Variants in ZBED6 observed in about 807,000 individuals in gnomAD.
ZBED6 encodes zinc finger BED domain-containing protein 6.
ZBED6 carries 40 observed loss-of-function variants against 58.4 expected under a neutral mutation model. That is an observed-to-expected ratio of 0.68 (90% confidence interval 0.53 to 0.89). ZBED6 has a LOEUF of 0.89. Ranked by LOEUF, ZBED6 falls within the 40% of genes least tolerant of loss-of-function variation. The pLI, the probability that ZBED6 is intolerant of heterozygous loss-of-function variation, is 0.00. For synonymous variants in ZBED6, 439 were observed against 350.6 expected (o/e 1.25, Z -2.82); for missense variants, 1,057 against 1,003.9 (o/e 1.05, Z -0.71).
intron 14 of ZBED6, chr1:203,850,254 T>G (rs1688946035): frequency 3.1e-6 from 2 of 649,584 alleles, no homozygotes; most frequent in East Asian, 5.5e-5. Flanking sequence ...CTTTCTATGG[T>G]GCATCTTTCC....
chr1:203,851,099 C>T, exon 16 of ZBED6: 1 of 1,614,138 alleles, frequency 6.2e-7, no homozygotes, highest in South Asian at 1.1e-5. Context: ...AGTCACTGTG[C>T]CTGAAGCAGA....
At chr1:203,846,738 C>T (rs1688004945) in intron 11 of ZBED6, among the ~76,000 whole-genome samples, 1 of 152,178 alleles carries the variant, frequency 6.6e-6, no homozygotes, top group Non-Finnish European at 1.5e-5. Flanking sequence ...AAATGGCTTT[C>T]AGTTTCTGAA....
chr1:203,834,169 G>T, intron 9 of ZBED6: 1 of 743,508 alleles, frequency 1.3e-6, no homozygotes. Context: ...AAAAATGATT[G>T]GTTAATATAA....
At chr1:203,809,733 C>G (rs1673679419) in intron 1 of ZBED6, among the ~76,000 whole-genome samples, 1 of 151,982 alleles carries the variant, frequency 6.6e-6, no homozygotes, top group Non-Finnish European at 1.5e-5. Context: ...ATGGGCAGAT[C>G]ACTTGAGGTC....
chr1:203,815,589 A>G (rs1253090044), intron 1 of ZBED6, among the ~76,000 whole-genome samples: 2 of 152,150 alleles, frequency 1.3e-5, no homozygotes, highest in Non-Finnish European at 2.9e-5. Flanking sequence ...TTTACATATT[A>G]TAATACATTC....
chr1:203,828,023 C>T (rs1237725707), intron 3 of ZBED6, among the ~76,000 whole-genome samples: 2 of 149,798 alleles, frequency 1.3e-5, no homozygotes, highest in Admixed American at 1.4e-4. Context: ...ACTACTGTAT[C>T]ATCCTGCTTC....
Position 203,848,324 on chromosome 1 carries a change from A to C in ZBED6, c.*4246-7A>C. The C allele has an allele frequency of 6.2e-7, 1 of 1,610,400 alleles. No homozygotes were observed. On this transcript the variant is annotated splice_polypyrimidine_tract_variant and splice_region_variant and intron_variant, in intron 12 of 16. Coordinates refer to ENST00000550078, the Ensembl canonical transcript of ZBED6. ...AATAACTAATGATGTCTTTAATGTG[A>C]ATACAGGGATGAAAGAAGAGAAGAA...
At chr1:203,818,112 T>G (rs1244461367) in intron 2 of ZBED6, among the ~76,000 whole-genome samples, 1 of 152,130 alleles carries the variant, frequency 6.6e-6, no homozygotes, top group Non-Finnish European at 1.5e-5. Flanking sequence ...TATAGCAGTT[T>G]GCACAACAGT....
chr1:203,828,110 G>C (rs935537752), intron 3 of ZBED6, among the ~76,000 whole-genome samples, 189 bp from the exon 4 acceptor site: 25 of 152,138 alleles, frequency 1.6e-4, no homozygotes, highest in African/African-American at 6.0e-4. Flanking sequence ...CTACTCTCCT[G>C]CTCCATTCAG....
chr1:203,840,256 TAA>T (rs1468055652), intron 10 of ZBED6, 48 bp from the exon 11 acceptor site: 8 of 1,584,516 alleles, frequency 5.0e-6, no homozygotes, highest in Non-Finnish European at 6.1e-6. Flanking sequence ...ATTTAAGCTG[TAA>T]AAAGTTTCTG....
At chr1:203,809,316 C>A (rs1252100406) in intron 1 of ZBED6, among the ~76,000 whole-genome samples, 1 of 151,372 alleles carries the variant, frequency 6.6e-6, no homozygotes, top group Non-Finnish European at 1.5e-5. Flanking sequence ...ACTGGGACAA[C>A]AGGCGCACAC....
exon 9 of ZBED6, chr1:203,833,829 C>G: frequency 6.2e-7 from 1 of 1,610,002 alleles, no homozygotes; most frequent in South Asian, 1.1e-5. Context: ...TACTGAGAGA[C>G]TGGGGAAACG....
At chr1:203,831,288 C>A (rs1330041036) in intron 7 of ZBED6, among the ~76,000 whole-genome samples, 2 of 151,958 alleles carry the variant, frequency 1.3e-5, no homozygotes, top group Non-Finnish European at 2.9e-5. Flanking sequence ...TTTATAGCAA[C>A]CTTGGAGTTG....
At chr1:203,827,330 A>G (rs1159913958) in intron 3 of ZBED6, among the ~76,000 whole-genome samples, 1 of 150,906 alleles carries the variant, frequency 6.6e-6, no homozygotes, top group African/African-American at 2.4e-5. Context: ...AGTTTATTCT[A>G]TTCTAGATGC....
chr1:203,844,278 C>T (rs1372509174), intron 11 of ZBED6, among the ~76,000 whole-genome samples: 2 of 152,260 alleles, frequency 1.3e-5, no homozygotes, highest in African/African-American at 4.8e-5. Context: ...TCTCCTGTCT[C>T]AGCCTCCCGA....
chr1:203,844,045 C>T lies in ZBED6; in HGVS notation c.*3742-3139C>T, dbSNP rs59665117. Among the ~76,000 whole-genome samples the T allele has an allele frequency of 1.8e-3, 280 of 151,986 alleles. 7 individuals are homozygous for T. The East Asian group carries it at 0.043, about 23-fold the overall frequency. On this transcript the variant is annotated intron_variant, in intron 11 of 16. Coordinates refer to ENST00000550078, the Ensembl canonical transcript of ZBED6. ...GCTAATTTTGTATTTTTAGTAGAAACGGGGCTTCTCCATGTTGGTCAGGCT... is the reference window on the plus strand; with the variant it reads ...GCTAATTTTGTATTTTTAGTAGAAATGGGGCTTCTCCATGTTGGTCAGGCT...
chr1:203,816,233 C>A (rs532747289), intron 1 of ZBED6, among the ~76,000 whole-genome samples: 67 of 152,188 alleles, frequency 4.4e-4, no homozygotes, highest in South Asian at 2.9e-3. Flanking sequence ...GTGTTAGTAA[C>A]CTAAGTCCCA....
At position 203,852,531 on chromosome 1, in the gene ZBED6, A is replaced by G. The variant is rs890647664; in HGVS notation, c.*5264A>G. The stretch of plus-strand genomic sequence containing the variant: ...CCCCAAATCAGAAGTATACCTCTGA[A>G]TTATCTGTATGTGTCCTGGATTCCT... On this transcript the variant is annotated 3_prime_UTR_variant, in exon 17 of 17. Coordinates refer to ENST00000550078, the Ensembl canonical transcript of ZBED6. 5.3e-6 allele frequency: 5 copies of G among 949,858 alleles called. No individual in the cohort carries two copies. The African/African-American group carries it at 6.7e-5, about 13-fold the overall frequency. 58.8% of individuals were successfully genotyped at this position (949,858 alleles called of 1,614,324 possible).
intron 1 of ZBED6, among the ~76,000 whole-genome samples, chr1:203,816,702 A>G (rs577195348): frequency 6.6e-6 from 1 of 152,310 alleles, no homozygotes; most frequent in African/African-American, 2.4e-5. Context: ...ACTGTGTAAC[A>G]AGCATCACAG....
Sources: gnomAD v4.1 joint callset for allele counts (sites outside exome capture counted in the v4.1 genomes callset) on GRCh38, gnomAD v4.1.1 for gene constraint, MANE v1.5 for transcripts, NCBI Gene and HGNC (gene_info 2026-07-23, HGNC 2026-07-21) for gene names.